The following ARHGAP26 variants were observed in gnomAD, a reference collection of about 807,000 sequenced individuals.
The protein encoded by ARHGAP26 is rho GTPase-activating protein 26.
Under a neutral mutation model 104.8 loss-of-function variants are expected in ARHGAP26, and 38 were observed. That is an observed-to-expected ratio of 0.36 (90% CI 0.28 to 0.48). The LOEUF is 0.48. ARHGAP26 is among the 20% of genes least tolerant of loss of function. The probability of loss-of-function intolerance (pLI) is 0.99; values close to 1 mark genes in which losing one functional copy is unlikely to be tolerated. For synonymous variants in ARHGAP26, 341 were observed against 340.0 expected, an observed-to-expected ratio of 1.00 and a Z score of -0.03; for missense variants, 704 against 947.9, an observed-to-expected ratio of 0.74 and a Z score of 3.38.
intron 11 of ARHGAP26, among the ~76,000 whole-genome samples, chr5:142,991,260 G>C (rs761285437): frequency 6.6e-6 from 1 of 152,206 alleles, no homozygotes; most frequent in Non-Finnish European, 1.5e-5. Context: ...GACCCTCTGA[G>C]CCATGTGCAG....
chr5:142,824,658 G>A (rs984418798), intron 1 of ARHGAP26, among the ~76,000 whole-genome samples: 4 of 152,192 alleles, frequency 2.6e-5, no homozygotes, highest in Admixed American at 1.3e-4. Flanking sequence ...AGCTGCTACT[G>A]TGCTTAACTC....
At chr5:143,016,817 G>A (rs2095055782) in intron 12 of ARHGAP26, among the ~76,000 whole-genome samples, 1 of 151,898 alleles carries the variant, frequency 6.6e-6, no homozygotes, top group Admixed American at 6.6e-5. Flanking sequence ...GTCTGGTTTA[G>A]TGCTTCCTCA....
chr5:142,993,540 G>A (rs983058971), intron 11 of ARHGAP26, among the ~76,000 whole-genome samples: 2 of 151,918 alleles, frequency 1.3e-5, no homozygotes, highest in Non-Finnish European at 2.9e-5. Flanking sequence ...CCTGACCTCA[G>A]GTGATCCACC....
chr5:143,173,472 C>T (rs1803063492), intron 20 of ARHGAP26, among the ~76,000 whole-genome samples: 1 of 152,176 alleles, frequency 6.6e-6, no homozygotes, highest in South Asian at 2.1e-4. Flanking sequence ...TAGGCAGGTC[C>T]AAGATGTTTC....
rs1056490007 is a variant in ARHGAP26 at position 143,054,669 on chromosome 5, C to T, written c.1373+143C>T. The T allele has an allele frequency of 1.6e-4, 91 of 584,422 alleles. 2 individuals carry two copies. Among genetic ancestry groups the T allele is most frequent in the South Asian group, 1.3e-3 (56 of 44,238 alleles). 36.2% of individuals were successfully genotyped at this position (584,422 alleles called of 1,614,324 possible). The stretch of plus-strand genomic sequence containing the variant: ...AGCTTCTGTGTGGGTGCGTTTAGCT[C>T]AGCTGGTCAAACCAATCGTAAATCA... On this transcript the variant is annotated intron_variant, in intron 15 of 22. Coordinates refer to ENST00000645722, the MANE Select transcript of ARHGAP26 (RefSeq NM_001135608.3).
chr5:143,094,450 C>T (rs941693431), intron 17 of ARHGAP26, among the ~76,000 whole-genome samples: 2 of 152,178 alleles, frequency 1.3e-5, no homozygotes, highest in African/African-American at 4.8e-5. Context: ...CACCTCCTCA[C>T]GAAAGAGAAC....
At chr5:143,132,916 C>T (rs992970280) in intron 18 of ARHGAP26, among the ~76,000 whole-genome samples, 3 of 150,714 alleles carry the variant, frequency 2.0e-5, no homozygotes, top group Non-Finnish European at 4.4e-5. Context: ...ATTGTGGCTA[C>T]TGAACCTCCC....
chr5:143,118,998 A>C (rs2150774083), intron 17 of ARHGAP26, among the ~76,000 whole-genome samples: 1 of 152,154 alleles, frequency 6.6e-6, no homozygotes, highest in East Asian at 1.9e-4. Context: ...ACAGGTTTAC[A>C]GTCGTCATTA....
intron 6 of ARHGAP26, among the ~76,000 whole-genome samples, chr5:142,896,632 A>T (rs1759515691): frequency 6.6e-6 from 1 of 152,004 alleles, no homozygotes; most frequent in African/African-American, 2.4e-5. Context: ...ATCTCTAAAG[A>T]TTTACCATTC....
intron 19 of ARHGAP26, among the ~76,000 whole-genome samples, chr5:143,140,143 C>G (rs1055881093): frequency 2.0e-5 from 3 of 152,128 alleles, no homozygotes; most frequent in Non-Finnish European, 2.9e-5. Flanking sequence ...GGCTGGGGCT[C>G]AAGCATCTAT....
chr5:143,114,692 A>C (rs1599076663), intron 17 of ARHGAP26, among the ~76,000 whole-genome samples: 1 of 152,120 alleles, frequency 6.6e-6, no homozygotes, highest in Non-Finnish European at 1.5e-5. Flanking sequence ...CTACCCCAGC[A>C]CCTGCCTGTG....
intron 17 of ARHGAP26, among the ~76,000 whole-genome samples, chr5:143,119,810 A>T (rs771690322): frequency 1.3e-5 from 2 of 152,164 alleles, no homozygotes; most frequent in African/African-American, 2.4e-5. Flanking sequence ...CACATCTGCT[A>T]ATAAAATTGG....
intron 17 of ARHGAP26, among the ~76,000 whole-genome samples, chr5:143,067,362 A>G (rs1294873285): frequency 3.9e-5 from 6 of 152,148 alleles, no homozygotes; most frequent in Non-Finnish European, 7.3e-5. Context: ...CAGTCTTCAC[A>G]TGGATTTCCT....
rs1262549487 is a variant in ARHGAP26 at position 143,037,202 on chromosome 5, A to T, written c.1151A>T (p.Gln384Leu). The T allele has an allele frequency of 1.2e-6, 2 of 1,601,828 alleles. No individual in the cohort carries two copies. Among genetic ancestry groups the T allele is most frequent in the African/African-American group, 2.7e-5 (2 of 74,762 alleles). The change falls in exon 13 of 23, where the codon CAG becomes CTG. Residue 384 changes from glutamine (Q) to leucine (L), a missense_variant. Around this residue, in one of 6 missense-constraint regions of ARHGAP26, gnomAD observed 287 missense variants for 438.8 expected, o/e 0.65. Coordinates refer to ENST00000645722, the MANE Select transcript of ARHGAP26 (RefSeq NM_001135608.3). ...NKDSQSEGTA[Q>L]LDSIGFSIIR... ...CCTTCTCTTGCTCTTTCAGCTGCGC[A>T]GTTGGACAGCATTGGCTTCAGCATA...
chr5:143,089,115 T>A (rs1198324344), intron 17 of ARHGAP26, among the ~76,000 whole-genome samples: 1 of 152,266 alleles, frequency 6.6e-6, no homozygotes, highest in Non-Finnish European at 1.5e-5. Flanking sequence ...AAAACTTATA[T>A]CTAACAATCC....
chr5:143,155,704 G>A (rs1800396093), intron 20 of ARHGAP26, among the ~76,000 whole-genome samples: 1 of 152,174 alleles, frequency 6.6e-6, no homozygotes, highest in Non-Finnish European at 1.5e-5. Flanking sequence ...TTTTCCAGCA[G>A]AGTGGAAATC....
At chr5:142,837,032 C>T (rs895888935) in intron 1 of ARHGAP26, among the ~76,000 whole-genome samples, 3 of 152,168 alleles carry the variant, frequency 2.0e-5, no homozygotes, top group Non-Finnish European at 4.4e-5. Flanking sequence ...AAATCTCTCG[C>T]AGAACGCATT....
chr5:142,986,277 A>G (rs900644626), intron 11 of ARHGAP26, among the ~76,000 whole-genome samples: 1 of 152,116 alleles, frequency 6.6e-6, no homozygotes, highest in Non-Finnish European at 1.5e-5. Context: ...GCATTTTTTC[A>G]TGTGTCTGTT....
At chr5:143,105,420 A>T (rs1169282259) in intron 17 of ARHGAP26, among the ~76,000 whole-genome samples, 2 of 150,246 alleles carry the variant, frequency 1.3e-5, no homozygotes, top group African/African-American at 5.0e-5. Context: ...TAAATAAATA[A>T]ATATAAAAAT....
Sources: gnomAD v4.1 joint callset for allele counts (sites outside exome capture counted in the v4.1 genomes callset) on GRCh38, gnomAD v4.1.1 for gene constraint, gnomAD v4.1.1 regional missense constraint, MANE v1.5 for transcripts, NCBI Gene and HGNC (gene_info 2026-07-23, HGNC 2026-07-21) for gene names.